The following HSD17B2 variants were observed in gnomAD, a reference collection of about 807,000 sequenced individuals.
HSD17B2 encodes 17-beta-hydroxysteroid dehydrogenase type 2.
Under a neutral mutation model 26.9 loss-of-function variants are expected in HSD17B2, and 32 were observed. The ratio of observed to expected loss-of-function variants is 1.19; its 90% CI spans 0.90 to 1.60. The LOEUF (loss-of-function observed/expected upper bound fraction) is 1.60, where lower values mean the gene tolerates loss of function less well. Among genes scored for constraint, HSD17B2 ranks in the 40% most tolerant of loss-of-function variants. The pLI is 0.00. For missense variants in HSD17B2, 613 were observed against 468.6 expected, an observed-to-expected ratio of 1.31 and a Z score of -2.85; for synonymous variants, 246 against 186.7, an observed-to-expected ratio of 1.32 and a Z score of -2.59.
At chr16:82,094,495 G>T (rs72563162) in intron 4 of HSD17B2, 2 of 152,128 alleles carry the variant, frequency 1.3e-5, no homozygotes, top group Admixed American at 6.6e-5. Flanking sequence ...ACACCGTGAT[G>T]GTGGAAAATT....
chr16:82,071,609 A>G (rs1914700242), intron 3 of HSD17B2: 1 of 262,730 alleles, frequency 3.8e-6, no homozygotes, highest in Middle Eastern at 1.4e-3. Flanking sequence ...AGCAGCCTCA[A>G]TCCAGCTAGG....
chr16:82,066,024 G>A (rs1173790528), intron 1 of HSD17B2, among the ~76,000 whole-genome samples: 2 of 152,220 alleles, frequency 1.3e-5, no homozygotes, highest in Non-Finnish European at 2.9e-5. Flanking sequence ...CCTCAGCACT[G>A]TGGATCCAGA....
chr16:82,062,455 C>G (rs1914466364), intron 1 of HSD17B2, among the ~76,000 whole-genome samples: 2 of 152,240 alleles, frequency 1.3e-5, no homozygotes, highest in African/African-American at 4.8e-5. Flanking sequence ...AATGCTTATT[C>G]ATCCAACATG....
At chr16:82,068,123 T>A (rs8191134) in intron 1 of HSD17B2, 47 bp from the exon 2 acceptor site, 1 of 1,473,894 alleles carries the variant, frequency 6.8e-7, no homozygotes, top group African/African-American at 1.4e-5. Flanking sequence ...TATTTTCTCC[T>A]GTCACTCTGG....
At chr16:82,062,935 C>T (rs184366605) in intron 1 of HSD17B2, among the ~76,000 whole-genome samples, 119 of 152,360 alleles carry the variant, frequency 7.8e-4, no homozygotes, top group Admixed American at 1.6e-3. Context: ...GACACCAGGC[C>T]TAGCACAGCC....
intron 1 of HSD17B2, among the ~76,000 whole-genome samples, chr16:82,057,122 C>T (rs1482337523): frequency 6.6e-6 from 1 of 152,018 alleles, no homozygotes; most frequent in Non-Finnish European, 1.5e-5. Flanking sequence ...GATAAATCTC[C>T]TGTGCAGAAT....
At position 82,068,327 on chromosome 16, in the gene HSD17B2, G is replaced by C. The variant is rs1253186584; in HGVS notation, c.423G>C (p.Lys141Asn). 5 of 1,613,884 alleles carry C rather than the reference G, an allele frequency of 3.1e-6. No homozygotes were observed. The African/African-American group carries it at 4.0e-5, about 13-fold the overall frequency. The change falls in exon 2 of 5, where the codon AAG (lysine) becomes AAC (asparagine). Residue 141 changes from lysine (K) to asparagine (N), a missense_variant. Lys to Asn is a moderately conservative substitution (Grantham distance 94). Transcript: ENST00000199936. ...CGGTGCTCCAAATGGACATCACGAA[G>C]CCAGTGCAGATAAAAGATGCTTACA... The part of the protein sequence containing the change: ...RLSVLQMDIT[K>N]PVQIKDAYSK...
chr16:82,039,445 G>T (rs1442238109), intron 1 of HSD17B2, among the ~76,000 whole-genome samples: 1 of 151,894 alleles, frequency 6.6e-6, no homozygotes, highest in Non-Finnish European at 1.5e-5. Context: ...AAGAACAAAA[G>T]AAAACGTTGA....
intron 1 of HSD17B2, among the ~76,000 whole-genome samples, chr16:82,056,744 G>A (rs2143951346): frequency 6.6e-6 from 1 of 152,280 alleles, no homozygotes; most frequent in African/African-American, 2.4e-5. Flanking sequence ...TTGATTCACG[G>A]AAGTTGACTA....
chr16:82,074,123 C>G (rs748230877), intron 3 of HSD17B2, among the ~76,000 whole-genome samples: 1 of 152,094 alleles, frequency 6.6e-6, no homozygotes, highest in Non-Finnish European at 1.5e-5. Flanking sequence ...ATTCAATAAA[C>G]GATGCTGGGG....
At chr16:82,040,730 G>C (rs1913743468) in intron 1 of HSD17B2, among the ~76,000 whole-genome samples, 2 of 152,220 alleles carry the variant, frequency 1.3e-5, no homozygotes, top group African/African-American at 4.8e-5. Flanking sequence ...CAGGGCTAGG[G>C]ATGTTTGCAG....
At chr16:82,057,611 ACCAGGTCAACATCTT>A (rs1031749040) in intron 1 of HSD17B2, among the ~76,000 whole-genome samples, 9 of 152,222 alleles carry the variant, frequency 5.9e-5, no homozygotes, top group African/African-American at 1.9e-4. Context: ...CACCACTTCA[ACCAGGTCAACATCTT>A]CCAGGTCAAC....
At chr16:82,093,209 C>G (rs1904742983) in intron 4 of HSD17B2, 1 of 152,186 alleles carries the variant, frequency 6.6e-6, no homozygotes, top group Non-Finnish European at 1.5e-5. Context: ...CTATATGATC[C>G]TCTACCATCA....
intron 1 of HSD17B2, among the ~76,000 whole-genome samples, chr16:82,051,251 G>T (rs1914097529): frequency 6.6e-6 from 1 of 152,178 alleles, no homozygotes; most frequent in East Asian, 1.9e-4. Context: ...GTATGCAGTA[G>T]ATGCTTAATA....
At chr16:82,048,117 G>C (rs1055384922) in intron 1 of HSD17B2, among the ~76,000 whole-genome samples, 5 of 152,210 alleles carry the variant, frequency 3.3e-5, no homozygotes, top group Middle Eastern at 3.2e-3. Context: ...CAAGATGGAA[G>C]ATAAAATTAG....
chr16:82,087,662 T>C (rs1335897465), intron 3 of HSD17B2, among the ~76,000 whole-genome samples: 2 of 152,178 alleles, frequency 1.3e-5, no homozygotes, highest in African/African-American at 2.4e-5. Flanking sequence ...CATGTCTTAG[T>C]CTGTTTTGTG....
intron 1 of HSD17B2, among the ~76,000 whole-genome samples, chr16:82,043,237 T>G (rs925047164): frequency 1.3e-5 from 2 of 152,120 alleles, no homozygotes; most frequent in African/African-American, 2.4e-5. Flanking sequence ...CATTAGCAAG[T>G]GCAATGTGGG....
intron 1 of HSD17B2, among the ~76,000 whole-genome samples, chr16:82,038,006 G>A (rs1210455557): frequency 1.3e-5 from 2 of 152,138 alleles, no homozygotes; most frequent in Non-Finnish European, 2.9e-5. Flanking sequence ...TTCTCTCCTG[G>A]ATTTCAAATT....
intron 1 of HSD17B2, among the ~76,000 whole-genome samples, chr16:82,055,287 C>G (rs962588861): frequency 1.3e-5 from 2 of 152,222 alleles, no homozygotes; most frequent in African/African-American, 4.8e-5. Flanking sequence ...GTGCCTGGTG[C>G]ACTCTTCCGT....
Sources: gnomAD v4.1 joint callset for allele counts (sites outside exome capture counted in the v4.1 genomes callset) on GRCh38, gnomAD v4.1.1 for gene constraint, MANE v1.5 for transcripts, NCBI Gene and HGNC (gene_info 2026-07-23, HGNC 2026-07-21) for gene names.